LCA5L: variants seen among roughly 807,000 people sequenced by gnomAD.
LCA5L encodes the protein lebercilin-like protein.
A neutral mutation model predicts 45.4 loss-of-function variants in LCA5L; 35 were observed. The ratio of observed to expected loss-of-function variants is 0.77; its 90% CI spans 0.59 to 1.02. LCA5L has a LOEUF of 1.02. Ranked by LOEUF, LCA5L falls within the 50% of genes least tolerant of loss-of-function variation. LCA5L has a pLI of 0.00. For synonymous variants in LCA5L, 233 were observed against 264.7 expected (o/e 0.88, Z 1.16); for missense variants, 668 against 761.6 (o/e 0.88, Z 1.45).
Position 39,405,756 on chromosome 21 carries a change from G to T in LCA5L, c.*126C>A. On this transcript the variant is annotated 3_prime_UTR_variant, in exon 11 of 11. Coordinates refer to ENST00000288350, the MANE Select transcript of LCA5L (RefSeq NM_152505.4). ...GCAATCAAACAAAAATTTAATTATC[G>T]AAAGTCAATTAAGTACTAAAACACA... The T allele has an allele frequency of 3.2e-6, 2 of 633,452 alleles. No individual in the cohort carries two copies. Among genetic ancestry groups the T allele is most frequent in the Non-Finnish European group, 2.4e-6 (1 of 423,364 alleles). The allele number at this position is 633,452 out of a possible 1,614,324, so 39.2% of individuals were successfully genotyped here.
chr21:39,411,760 G>T lies in LCA5L; in HGVS notation c.1018C>A (p.Arg340=). 2 of 1,586,776 alleles carry T rather than the reference G, an allele frequency of 1.3e-6. No individual in the cohort carries two copies. The highest frequency in any genetic ancestry group is 1.7e-6 in the Non-Finnish European group (2 of 1,161,694). ...GTGTCATGTAAATTTTTAAGTATTC[G>T]ATGACTATAGATGTTTTTAATTTCA... The part of the protein sequence containing the change: ...ELEIKNIYSH[R]ILKNLHDTED... The change falls in exon 8 of 11, where the codon CGA becomes AGA. Residue 340 remains arginine (R), a synonymous_variant. Coordinates refer to ENST00000288350, the MANE Select transcript of LCA5L (RefSeq NM_152505.4).
At chr21:39,413,647 A>C (rs962467408) in intron 7 of LCA5L, among the ~76,000 whole-genome samples, 2 of 152,192 alleles carry the variant, frequency 1.3e-5, no homozygotes, top group African/African-American at 4.8e-5. Flanking sequence ...CTCTTTTCTT[A>C]TTGTGGTAAC....
At chr21:39,412,646 CTT>C (rs1479172046) in intron 7 of LCA5L, among the ~76,000 whole-genome samples, 1 of 152,054 alleles carries the variant, frequency 6.6e-6, no homozygotes, top group Non-Finnish European at 1.5e-5. Context: ...AGAGAGAGCT[CTT>C]GTCTCCTTGT....
intron 2 of LCA5L, among the ~76,000 whole-genome samples, chr21:39,440,633 C>T (rs2076743860): frequency 6.6e-6 from 1 of 152,198 alleles, no homozygotes; most frequent in African/African-American, 2.4e-5. Context: ...GTGGAGAAAA[C>T]TGGCAGATTT....
chr21:39,428,111 G>T, intron 5 of LCA5L, 61 bp downstream of exon 5: 1 of 898,480 alleles, frequency 1.1e-6, no homozygotes, highest in Non-Finnish European at 1.8e-6. Flanking sequence ...AAACACTAGT[G>T]CAGTAAAATA....
chr21:39,414,443 GA>G (rs144705571), intron 7 of LCA5L, among the ~76,000 whole-genome samples: 2,121 of 152,208 alleles, frequency 0.014, 54 homozygotes, highest in African/African-American at 0.049. Context: ...TCAAAGTAAA[GA>G]AACGAACTTT....
chr21:39,445,462 C>G (rs2077380351), intron 1 of LCA5L: 1 of 152,366 alleles, frequency 6.6e-6, no homozygotes. Flanking sequence ...CGGCCCAGGC[C>G]GTCCCCCTGC....
chr21:39,407,239 CAAAACAGAACAGA>C (rs2039225732), intron 10 of LCA5L, among the ~76,000 whole-genome samples: 1 of 152,004 alleles, frequency 6.6e-6, no homozygotes, highest in East Asian at 1.9e-4. Flanking sequence ...CAAAACAAAA[CAAAACAGAACAGA>C]AGAACAGAAC....
intron 7 of LCA5L, among the ~76,000 whole-genome samples, chr21:39,415,004 G>A (rs1304464306): frequency 3.3e-5 from 5 of 151,930 alleles, no homozygotes; most frequent in Non-Finnish European, 7.4e-5. Context: ...TCCTGGGCTC[G>A]AGATCTTCTG....
chr21:39,410,225 T>C, intron 9 of LCA5L, 39 bp downstream of exon 9: 1 of 1,325,208 alleles, frequency 7.5e-7, no homozygotes, highest in Non-Finnish European at 1.1e-6. Context: ...TGTTAAGACA[T>C]GTTTAATCAG....
chr21:39,416,895 CTTCT>C (rs1473484257), intron 7 of LCA5L, among the ~76,000 whole-genome samples: 1 of 152,154 alleles, frequency 6.6e-6, no homozygotes, highest in Non-Finnish European at 1.5e-5. Flanking sequence ...CTTGGAATGG[CTTCT>C]TTCTGTGGCT....
At chr21:39,415,930 G>C (rs762721991) in intron 7 of LCA5L, among the ~76,000 whole-genome samples, 1 of 152,086 alleles carries the variant, frequency 6.6e-6, no homozygotes, top group Non-Finnish European at 1.5e-5. Context: ...GTTTAGGTTC[G>C]GTTCGTTGGC....
In LCA5L at chr21:39,414,592, G is replaced by A. The variant is rs540660440; in HGVS notation, c.976-2790C>T. On this transcript the variant is annotated intron_variant, in intron 7 of 10. Coordinates refer to ENST00000288350, the MANE Select transcript of LCA5L (RefSeq NM_152505.4). ...CAACCTCGTGACTCGCTACCAAAAG[G>A]TGGAGTTCACTGCTTGAACTGCCTA... is the stretch of plus-strand genomic sequence containing the variant. Among the ~76,000 whole-genome samples the A allele has an allele frequency of 2.6e-5, 4 of 152,228 alleles. No individual in the cohort carries two copies. In the East Asian group the frequency reaches 7.7e-4, roughly 29 times the overall value.
At position 39,428,201 on chromosome 21, in the gene LCA5L, T is replaced by C. The variant is rs781006282; in HGVS notation, c.293A>G (p.Tyr98Cys). 48 of 1,595,580 alleles carry C rather than the reference T, an allele frequency of 3.0e-5. No homozygotes were observed. Among genetic ancestry groups the C allele is most frequent in the Non-Finnish European group, 3.9e-5 (46 of 1,168,930 alleles). Residue 98 changes from tyrosine to cysteine, a missense_variant, in exon 5 of 11, where the codon TAT (tyrosine) becomes TGT (cysteine). Tyr to Cys is a radical substitution (Grantham distance 194). Coordinates refer to ENST00000288350, the MANE Select transcript of LCA5L (RefSeq NM_152505.4). ...AGATTGGGAGATTTTAGAAACATTA[T>C]ACTTTTTCTTCTCCTTTTCTTTTAC... is the stretch of plus-strand genomic sequence containing the variant. ...PVVKEKEKKK[Y>C]NVSKISQSKG...
chr21:39,414,754 G>C (rs1387309502), intron 7 of LCA5L, among the ~76,000 whole-genome samples: 75 of 149,050 alleles, frequency 5.0e-4, no homozygotes, highest in African/African-American at 1.8e-3. Flanking sequence ...GTGTGTGTGT[G>C]TGTGTGTGTG....
intron 2 of LCA5L, among the ~76,000 whole-genome samples, chr21:39,438,238 T>C (rs570188621): frequency 2.0e-5 from 3 of 152,020 alleles, no homozygotes; most frequent in Non-Finnish European, 1.5e-5. Flanking sequence ...AAGATAAAGG[T>C]AGAGAAAGTG....
intron 5 of LCA5L, among the ~76,000 whole-genome samples, chr21:39,426,921 G>T (rs2837024): frequency 0.23 from 35,013 of 152,116 alleles, 4,527 homozygotes; most frequent in African/African-American, 0.35. Flanking sequence ...GTACAGGGCC[G>T]TCTAGAAAAG....
At position 39,406,222 on chromosome 21, in the gene LCA5L, T is replaced by C. The variant is rs757256140; in HGVS notation, c.1673A>G (p.His558Arg). ...CTCCATTTCCTCTCTGTTACTGAGA[T>C]GCTTGCCTGTACTATGACTGTACCT... ...NMRYSHSTGK[H>R]LSNREEMELE... Residue 558 changes from histidine (H) to arginine (R), a missense_variant, in exon 11 of 11, where the codon CAT (histidine) becomes CGT (arginine). Transcript: ENST00000288350. The C allele has an allele frequency of 5.0e-6, 8 of 1,614,126 alleles. No individual in the cohort carries two copies. The highest frequency in any genetic ancestry group is 1.7e-5 in the Admixed American group (1 of 60,006).
chr21:39,433,701 A>G (rs1033961209), intron 3 of LCA5L, among the ~76,000 whole-genome samples: 3 of 150,908 alleles, frequency 2.0e-5, no homozygotes, highest in African/African-American at 7.3e-5. Flanking sequence ...TGTGCTCTCT[A>G]TACTGTTCTA....
Sources: gnomAD v4.1 joint callset for allele counts (sites outside exome capture counted in the v4.1 genomes callset) on GRCh38, gnomAD v4.1.1 for gene constraint, MANE v1.5 for transcripts, NCBI Gene and HGNC (gene_info 2026-07-23, HGNC 2026-07-21) for gene names.